Variants in PIK3C2G observed in about 807,000 individuals in gnomAD.
PIK3C2G encodes phosphatidylinositol 3-kinase C2 domain-containing subunit gamma.
In PIK3C2G, 168 loss-of-function variants were observed where a neutral mutation model predicts 181.1. The ratio of observed to expected loss-of-function variants is 0.93; its 90% CI spans 0.82 to 1.05. The LOEUF (loss-of-function observed/expected upper bound fraction) is 1.05, where lower values mean the gene tolerates loss of function less well. PIK3C2G is among the 50% of genes least tolerant of loss of function. The pLI is 0.00. For missense variants in PIK3C2G, 1,869 were observed against 1,732.8 expected (o/e 1.08, Z -1.40); for synonymous variants, 573 against 592.2 (o/e 0.97, Z 0.47).
chr12:18,705,005 A>T, the PIK3C2G span, among the ~76,000 whole-genome samples: 5 of 152,160 alleles, frequency 3.3e-5, no homozygotes, highest in African/African-American at 9.7e-5. Context: ...CTAAGCATTC[A>T]TGAGAACATT....
At chr12:18,366,912 T>C (rs78974838) in intron 12 of PIK3C2G, among the ~76,000 whole-genome samples, 1,908 of 152,260 alleles carry the variant, frequency 0.013, 38 homozygotes, top group African/African-American at 0.044. Context: ...AAAGAATGGA[T>C]AAATAACTCC....
At chr12:18,617,837 G>A (rs1246386192) in intron 31 of PIK3C2G, among the ~76,000 whole-genome samples, 1 of 152,062 alleles carries the variant, frequency 6.6e-6, no homozygotes, top group Non-Finnish European at 1.5e-5. Flanking sequence ...AGGATAAAGA[G>A]CAAAAGATAT....
intron 31 of PIK3C2G, among the ~76,000 whole-genome samples, chr12:18,639,952 A>C (rs1949771636): frequency 6.6e-6 from 1 of 151,556 alleles, no homozygotes; most frequent in Non-Finnish European, 1.5e-5. Flanking sequence ...TTAATATTTT[A>C]ATTATATTTT....
the PIK3C2G span, among the ~76,000 whole-genome samples, chr12:18,708,316 C>T: frequency 6.6e-6 from 1 of 152,106 alleles, no homozygotes; most frequent in Non-Finnish European, 1.5e-5. Context: ...ACATAATGTC[C>T]TCACTCATGC....
chr12:18,537,907 A>G (rs1321171200), intron 24 of PIK3C2G, among the ~76,000 whole-genome samples: 9 of 152,026 alleles, frequency 5.9e-5, no homozygotes, highest in Non-Finnish European at 4.4e-5. Context: ...TGTAATTTAG[A>G]ATTAAACATT....
At chr12:18,399,993 T>G (rs1402441590) in intron 16 of PIK3C2G, 146 bp downstream of exon 16, 2 of 459,274 alleles carry the variant, frequency 4.4e-6, no homozygotes, top group South Asian at 8.0e-5. Context: ...AAATGTAAGC[T>G]ATGAATATAA....
intron 25 of PIK3C2G, among the ~76,000 whole-genome samples, chr12:18,539,400 C>A (rs1944031366): frequency 6.6e-6 from 1 of 151,752 alleles, no homozygotes; most frequent in Non-Finnish European, 1.5e-5. Context: ...AAGCACTTAG[C>A]ACAGTACTTG....
intron 10 of PIK3C2G, among the ~76,000 whole-genome samples, chr12:18,345,144 A>G (rs1939547585): frequency 6.6e-6 from 1 of 152,172 alleles, no homozygotes; most frequent in Admixed American, 6.6e-5. Flanking sequence ...GTATACCAAA[A>G]GTACAATTTG....
chr12:18,380,697 T>A (rs1942779410), intron 13 of PIK3C2G, among the ~76,000 whole-genome samples: 1 of 152,158 alleles, frequency 6.6e-6, no homozygotes, highest in African/African-American at 2.4e-5. Flanking sequence ...ATATAAAACA[T>A]CTGCCTATAT....
chr12:18,314,938 G>A (rs1440615156), intron 6 of PIK3C2G, among the ~76,000 whole-genome samples: 5 of 152,096 alleles, frequency 3.3e-5, no homozygotes, highest in East Asian at 1.9e-4. Flanking sequence ...GTGCTTTGAC[G>A]ATACAGTTTC....
intron 12 of PIK3C2G, 155 bp downstream of exon 12, chr12:18,363,041 T>C: frequency 1.9e-6 from 1 of 522,402 alleles, no homozygotes; most frequent in Non-Finnish European, 3.3e-6. Context: ...AATAGATAAC[T>C]GATTGTTCAA....
At chr12:18,367,308 T>A (rs1180046665) in intron 12 of PIK3C2G, among the ~76,000 whole-genome samples, 1 of 152,192 alleles carries the variant, frequency 6.6e-6, no homozygotes. Context: ...TAAATGAATA[T>A]GACAAGTGTG....
At chr12:18,694,335 G>T in the PIK3C2G span, among the ~76,000 whole-genome samples, 1 of 152,112 alleles carries the variant, frequency 6.6e-6, no homozygotes, top group Non-Finnish European at 1.5e-5. Flanking sequence ...AAACAAAAAA[G>T]CTCTCCCAAC....
At chr12:18,247,910 T>A (rs541228706) in exon 1 of PIK3C2G, 1 of 152,314 alleles carries the variant, frequency 6.6e-6, no homozygotes, top group East Asian at 1.9e-4. Flanking sequence ...AGGACTCCCA[T>A]ACCCTTACTA....
At chr12:18,459,738 A>G (rs76672347) in intron 18 of PIK3C2G, among the ~76,000 whole-genome samples, 5 of 152,184 alleles carry the variant, frequency 3.3e-5, no homozygotes, top group African/African-American at 1.2e-4. Flanking sequence ...AATCACTGTT[A>G]TTATACTACA....
intron 2 of PIK3C2G, 107 bp from the exon 3 acceptor site, chr12:18,286,740 A>T (rs1565556096): frequency 4.8e-6 from 3 of 628,572 alleles, no homozygotes; most frequent in African/African-American, 3.8e-5. Flanking sequence ...ATCTAAAAAA[A>T]ATTAAAAATG....
At chr12:18,713,697 G>A in the PIK3C2G span, 5 of 152,030 alleles carry the variant, frequency 3.3e-5, no homozygotes, top group Non-Finnish European at 2.9e-5. Flanking sequence ...CTGTCTATTC[G>A]ACTCATAATT....
At chr12:18,389,149 G>T (rs1373501334) in intron 14 of PIK3C2G, among the ~76,000 whole-genome samples, 1 of 152,054 alleles carries the variant, frequency 6.6e-6, no homozygotes, top group Non-Finnish European at 1.5e-5. Flanking sequence ...TCAGGAGATC[G>T]AGTCCATCCT....
chr12:18,555,381 C>T (rs1030588879), intron 26 of PIK3C2G, among the ~76,000 whole-genome samples: 1 of 152,116 alleles, frequency 6.6e-6, no homozygotes, highest in Non-Finnish European at 1.5e-5. Context: ...AAAAAATAAT[C>T]TGCCTAGATG....
Sources: allele counts gnomAD v4.1 joint callset (sites outside exome capture counted in the v4.1 genomes callset), GRCh38; gene constraint gnomAD v4.1.1; transcripts MANE v1.5; gene names NCBI Gene and HGNC (gene_info 2026-07-23, HGNC 2026-07-21).